Variants in CBARP observed in about 807,000 individuals in gnomAD.
CBARP encodes the protein CACN subunit beta associated regulatory protein, also known as voltage-dependent calcium channel beta subunit-associated regulatory protein.
In CBARP, 24 loss-of-function variants were observed where a neutral mutation model predicts 36.3. The ratio of observed to expected loss-of-function variants is 0.66; its 90% CI spans 0.48 to 0.93. CBARP has a LOEUF of 0.93. CBARP is among the 40% of genes least tolerant of loss of function. The pLI is 0.00. For synonymous variants in CBARP, 586 were observed against 453.2 expected, an observed-to-expected ratio of 1.29 and a Z score of -3.72; for missense variants, 1,146 against 980.4, an observed-to-expected ratio of 1.17 and a Z score of -2.26.
In CBARP at chr19:1,230,136, C is replaced by T; in HGVS notation, c.1161G>A (p.Glu387=). The change falls in exon 10 of 10, where the codon GAG becomes GAA. Residue 387 remains glutamate (E), a synonymous_variant. Coordinates refer to ENST00000650044, the MANE Select transcript of CBARP (RefSeq NM_001393918.1). ...TCGCTCCTCCCGCTGCCTCGGCCGC[C>T]TCTAGCCTGCAAGCCAGGCCGCGCC... ...ASPPPALGRL[E]AAEAAGGASP... 9.7e-7 allele frequency: 1 copy of T among 1,027,372 alleles called. No homozygotes were observed. The highest frequency in any genetic ancestry group is 1.7e-5 in the African/African-American group (1 of 57,548). 63.6% of individuals were successfully genotyped at this position (1,027,372 alleles called of 1,614,324 possible).
chr19:1,235,820 G>C lies in CBARP; in HGVS notation c.204C>G (p.Leu68=), dbSNP rs145691287. ...GGACGTCCCAGCAGCGCTTGCAGAGGAGCAGGACGCCAGACAACACCACCA... is the reference window on the plus strand; with the variant it reads ...GGACGTCCCAGCAGCGCTTGCAGAGCAGCAGGACGCCAGACAACACCACCA... ...GTLVVLSGVL[L]LCKRCWDVHQ... Residue 68 remains leucine (L), a synonymous_variant, in exon 3 of 10, where the codon CTC becomes CTG. Transcript: ENST00000650044. The C allele has an allele frequency of 6.2e-7, 1 of 1,610,268 alleles. No individual in the cohort carries two copies. The highest frequency in any genetic ancestry group is 1.3e-5 in the African/African-American group (1 of 74,916).
At position 1,234,655 on chromosome 19, in the gene CBARP, G is replaced by T; in HGVS notation, c.543C>A (p.Ile181=). 1.2e-6 allele frequency: 2 copies of T among 1,612,244 alleles called. No homozygotes were observed. Among genetic ancestry groups the T allele is most frequent in the Non-Finnish European group, 1.7e-6 (2 of 1,179,486 alleles). ...TGGCCTCGCCTGAGTCACACTCGTG[G>T]ATGGTGACAATCTTGAGGGGCGGCA... ...LHLPPLKIVT[I]HECDSGEASS... is the part of the protein sequence containing the mutation. The change falls in exon 6 of 10, where the codon ATC becomes ATA. Residue 181 remains isoleucine (I), a synonymous_variant. Coordinates refer to ENST00000650044, the MANE Select transcript of CBARP (RefSeq NM_001393918.1).
At position 1,228,678 on chromosome 19, in the gene CBARP, G is replaced by C. The variant is rs2080849016; in HGVS notation, c.*501C>G. 1.3e-5 allele frequency: 2 copies of C among 151,754 alleles called. No homozygotes were observed. Among genetic ancestry groups the C allele is most frequent in the South Asian group, 2.1e-4 (1 of 4,852 alleles). 9.4% of individuals were successfully genotyped at this position (151,754 alleles called of 1,614,324 possible). ...CAGTCACGGTGTTGAGCCGCCTCCC[G>C]GCCCAGGGCGGCGAACTCGTCTGCG... On this transcript the variant is annotated 3_prime_UTR_variant, in exon 10 of 10. Transcript: ENST00000650044.
In CBARP at chr19:1,228,808, C is replaced by A. The variant is rs1049943421; in HGVS notation, c.*371G>T. On this transcript the variant is annotated 3_prime_UTR_variant, in exon 10 of 10. Transcript: ENST00000650044. Reference sequence around the variant, plus strand: ...GCTGCGCGACCCTCGGGTGGCGGGCCCTGCGACTAAGCGGCCGCCCCGTCC... The same window carrying A: ...GCTGCGCGACCCTCGGGTGGCGGGCACTGCGACTAAGCGGCCGCCCCGTCC... The A allele has an allele frequency of 6.8e-6, 1 of 147,330 alleles. No individual in the cohort carries two copies. Among genetic ancestry groups the A allele is most frequent in the Non-Finnish European group, 1.5e-5 (1 of 66,200 alleles). The allele number at this position is 147,330 out of a possible 1,614,324, so 9.1% of individuals were successfully genotyped here. A position where few individuals can be genotyped will look rare whatever the true frequency, so the allele number is the denominator to read the frequency against.
rs1457856182 is a variant in CBARP at position 1,229,608 on chromosome 19, C to T, written c.1689G>A (p.Thr563=). 3 of 1,199,460 alleles carry T rather than the reference C, an allele frequency of 2.5e-6. No individual in the cohort carries two copies. Among genetic ancestry groups the T allele is most frequent in the South Asian group, 1.4e-5 (1 of 71,986 alleles). 74.3% of individuals were successfully genotyped at this position (1,199,460 alleles called of 1,614,324 possible). ...GGGCGCGGTGTCGCGCGGCAGCCGG[C>T]GTGTCGTCGAAGTGCGGGTCGTGGC... ...FLRHDPHFDD[T]PAAARHRARA... The change falls in exon 10 of 10, where the codon ACG becomes ACA. Residue 563 remains threonine, a synonymous_variant. Coordinates refer to ENST00000650044, the MANE Select transcript of CBARP (RefSeq NM_001393918.1). The surrounding 1 kb of genome is among the most constrained non-coding windows in gnomAD (Gnocchi z 5.1).
At chr19:1,232,259 G>A (rs1163896217) in intron 8 of CBARP, among the ~76,000 whole-genome samples, 1 of 152,112 alleles carries the variant, frequency 6.6e-6, no homozygotes, top group African/African-American at 2.4e-5. Context: ...CAGCTGGAGC[G>A]GGGCAGCCAG....
Position 1,232,104 on chromosome 19 carries a change from G to A in CBARP, c.980-829C>T, listed in dbSNP as rs999752707. Among the ~76,000 whole-genome samples, 13 of 152,102 alleles carry A rather than the reference G, an allele frequency of 8.5e-5. No individual in the cohort carries two copies. In the South Asian group the frequency reaches 1.4e-3, roughly 17 times the overall value. Reference sequence around the variant, plus strand: ...TGGGGGACTGCCCCACCCCTGCCTCGGCCCCCTTCTCCCAACAGCCTCCCC... The same window carrying A: ...TGGGGGACTGCCCCACCCCTGCCTCAGCCCCCTTCTCCCAACAGCCTCCCC... On this transcript the variant is annotated intron_variant, in intron 8 of 9. Transcript: ENST00000650044.
rs994875450 is a variant in CBARP, at chr19:1,229,377, G to A, written c.1920C>T (p.Ile640=). Reference sequence around the variant, plus strand: ...CGCCCGGCTCCTCCTCGATGACGGGGATGGCGGGGTCGTCGCCGGCGCCGC... The same window carrying A: ...CGCCCGGCTCCTCCTCGATGACGGGAATGGCGGGGTCGTCGCCGGCGCCGC... ...TLGGAGDDPA[I]PVIEEEPGGG... is the part of the protein sequence containing the mutation. The change falls in exon 10 of 10, where the codon ATC becomes ATT. Residue 640 remains isoleucine (I), a synonymous_variant. Transcript: ENST00000650044. This position sits in a 1 kb window ranked among gnomAD's most constrained non-coding sequence, Gnocchi z 5.1. The A allele has an allele frequency of 2.6e-6, 3 of 1,151,038 alleles. No homozygotes were observed. Among genetic ancestry groups the A allele is most frequent in the East Asian group, 1.0e-4 (1 of 9,852 alleles). The allele number at this position is 1,151,038 out of a possible 1,614,324, so 71.3% of individuals were successfully genotyped here. A position where few individuals can be genotyped will look rare whatever the true frequency, so the allele number is the denominator to read the frequency against.
chr19:1,229,956 A>G lies in CBARP; in HGVS notation c.1341T>C (p.His447=), dbSNP rs746669456. Residue 447 remains histidine (H), a synonymous_variant, in exon 10 of 10, where the codon CAT becomes CAC. Coordinates refer to ENST00000650044, the MANE Select transcript of CBARP (RefSeq NM_001393918.1). This position sits in a 1 kb window ranked among gnomAD's most constrained non-coding sequence, Gnocchi z 5.1. Reference sequence around the variant, plus strand: ...TGCTGCTGTGGTCCGAGGCGGCCGCATGCAGCTCAAGCGAGGCGCGCAGGC... The same window carrying G: ...TGCTGCTGTGGTCCGAGGCGGCCGCGTGCAGCTCAAGCGAGGCGCGCAGGC... ...LWSLRASLEL[H]AAASDHSSSG... 5 of 1,205,540 alleles carry G rather than the reference A, an allele frequency of 4.1e-6. No homozygotes were observed. The South Asian group carries it at 5.5e-5, about 13-fold the overall frequency. The allele number at this position is 1,205,540 out of a possible 1,614,324, so 74.7% of individuals were successfully genotyped here. A position where few individuals can be genotyped will look rare whatever the true frequency, so the allele number is the denominator to read the frequency against.
chr19:1,234,221 C>T lies in CBARP; in HGVS notation c.738G>A (p.Ser246=), dbSNP rs758478510. 2.0e-5 allele frequency: 30 copies of T among 1,519,798 alleles called. No homozygotes were observed. The highest frequency in any genetic ancestry group is 9.1e-5 in the Admixed American group (4 of 43,818). 94.1% of individuals were successfully genotyped at this position (1,519,798 alleles called of 1,614,324 possible). A position where few individuals can be genotyped will look rare whatever the true frequency, so the allele number is the denominator to read the frequency against. ...GATDFAEISP[S]ASSDSGEGTS... ...TGCCTTCCCCAGAGTCGCTAGATGC[C>T]GAGGGGCTGATCTCTGCGAAGTCAG... Residue 246 remains serine, a synonymous_variant, in exon 7 of 10, where the codon TCG becomes TCA. Coordinates refer to ENST00000650044, the MANE Select transcript of CBARP (RefSeq NM_001393918.1).
chr19:1,236,243 A>T, intron 1 of CBARP, 122 bp from the exon 2 acceptor site: 7 of 1,288,458 alleles, frequency 5.4e-6, no homozygotes, highest in Non-Finnish European at 5.9e-6. Context: ...ACTCATGGAG[A>T]GGTAGCAGAG....
At chr19:1,236,176 CACTG>C in intron 1 of CBARP, 55 bp from the exon 2 acceptor site, 4 of 1,362,844 alleles carry the variant, frequency 2.9e-6, no homozygotes, top group Non-Finnish European at 3.8e-6. Flanking sequence ...CTGCAGGAGC[CACTG>C]CAGACAAGCT....
At chr19:1,236,263 G>T in intron 1 of CBARP, 142 bp from the exon 2 acceptor site, 2 of 1,209,630 alleles carry the variant, frequency 1.7e-6, no homozygotes, top group Non-Finnish European at 2.1e-6. Flanking sequence ...GCCGGAGGCA[G>T]CCTCCACCCG....
chr19:1,236,047 AGTGGTGGTG>A lies in CBARP; in HGVS notation c.45_53del (p.Thr16_Thr18del), dbSNP rs751898880. On this transcript the variant is annotated inframe_deletion, in exon 2 of 10. Transcript: ENST00000650044. ...ACGACGTCGTCAGGGCTACTGTGGCAGTGGTGGTGGTGGTGGTGGTGGCGGCTGTGGCCA... is the reference window on the plus strand; with the variant it reads ...ACGACGTCGTCAGGGCTACTGTGGCAGTGGTGGTGGTGGCGGCTGTGGCCA... The A allele has an allele frequency of 8.7e-6, 13 of 1,492,426 alleles. No individual in the cohort carries two copies. The highest frequency in any genetic ancestry group is 1.8e-4 in the Middle Eastern group (1 of 5,660). The allele number at this position is 1,492,426 out of a possible 1,614,324, so 92.4% of individuals were successfully genotyped here. A position where few individuals can be genotyped will look rare whatever the true frequency, so the allele number is the denominator to read the frequency against.
chr19:1,232,086 C>T (rs2080901767), intron 8 of CBARP, among the ~76,000 whole-genome samples: 1 of 152,094 alleles, frequency 6.6e-6, no homozygotes, highest in Non-Finnish European at 1.5e-5. Context: ...CGCTGGGGGA[C>T]TGCCCCACCC....
intron 1 of CBARP, among the ~76,000 whole-genome samples, 154 bp downstream of exon 1, chr19:1,237,602 A>T (rs113261469): frequency 0.046 from 6,971 of 150,924 alleles, 372 homozygotes; most frequent in African/African-American, 0.12. Flanking sequence ...GTCCCTCTGG[A>T]GGCAGCCGGG....
At position 1,235,924 on chromosome 19, in the gene CBARP, G is replaced by A. The variant is rs760155594; in HGVS notation, c.106-6C>T. ...AGGATGGGGTCTGGCTCTGCCTGCG[G>A]GTGTGCAGGGGGGGTCAGGTGCTGC... is the stretch of plus-strand genomic sequence containing the variant. On this transcript the variant is annotated splice_region_variant and splice_polypyrimidine_tract_variant and intron_variant, in intron 2 of 9. Coordinates refer to ENST00000650044, the MANE Select transcript of CBARP (RefSeq NM_001393918.1). 1.9e-6 allele frequency: 3 copies of A among 1,607,924 alleles called. No individual in the cohort carries two copies. Among genetic ancestry groups the A allele is most frequent in the East Asian group, 2.2e-5 (1 of 44,788 alleles).
At chr19:1,234,819 CCTG>C in intron 5 of CBARP, 77 bp from the exon 6 acceptor site, 2 of 1,545,276 alleles carry the variant, frequency 1.3e-6, no homozygotes, top group Non-Finnish European at 1.7e-6. Flanking sequence ...TGCCATCCAC[CCTG>C]CCGGCCTGGG....
chr19:1,234,756 T>G lies in CBARP; in HGVS notation c.456-14A>C, dbSNP rs766898261. 1 of 1,610,128 alleles carries G rather than the reference T, an allele frequency of 6.2e-7. No homozygotes were observed. Among genetic ancestry groups the G allele is most frequent in the African/African-American group, 1.3e-5 (1 of 75,004 alleles). Reference sequence around the variant, plus strand: ...GTCAGTGTGTACCTGCGACAGCATCTGGCCATCAGAGCCCGCCCACCTCCC... The same window carrying G: ...GTCAGTGTGTACCTGCGACAGCATCGGGCCATCAGAGCCCGCCCACCTCCC... On this transcript the variant is annotated splice_polypyrimidine_tract_variant and intron_variant, in intron 5 of 9. Coordinates refer to ENST00000650044, the MANE Select transcript of CBARP (RefSeq NM_001393918.1).
Sources: allele counts gnomAD v4.1 joint callset (sites outside exome capture counted in the v4.1 genomes callset), GRCh38; gene constraint gnomAD v4.1.1; non-coding constraint Gnocchi (gnomAD v3.1); transcripts MANE v1.5; gene names NCBI Gene and HGNC (gene_info 2026-07-23, HGNC 2026-07-21).